CXXC4: variants seen among roughly 807,000 people sequenced by gnomAD.
The protein encoded by CXXC4 is CXXC finger protein 4, also known as CXXC-type zinc finger protein 4.
CXXC4 carries 5 observed loss-of-function variants against 20.5 expected under a neutral mutation model. The observed-to-expected ratio is 0.24, with a 90% CI of 0.13 to 0.51. The LOEUF is 0.51. Ranked by LOEUF, CXXC4 falls within the 20% of genes least tolerant of loss-of-function variation. The probability of loss-of-function intolerance (pLI) is 0.97; values close to 1 mark genes in which losing one functional copy is unlikely to be tolerated. For synonymous variants in CXXC4, 250 were observed against 216.4 expected, an observed-to-expected ratio of 1.16 and a Z score of -1.36; for missense variants, 419 against 496.4, an observed-to-expected ratio of 0.84 and a Z score of 1.48.
intron 2 of CXXC4, among the ~76,000 whole-genome samples, chr4:104,483,766 G>T (rs906315352): frequency 1.9e-4 from 29 of 151,768 alleles, no homozygotes; most frequent in Admixed American, 9.8e-4. Flanking sequence ...AAAGTATTGG[G>T]TTAGTAACGT....
chr4:104,494,858 G>A lies in CXXC4; in HGVS notation c.-415C>T, dbSNP rs904068817. 7 of 150,842 alleles carry A rather than the reference G, an allele frequency of 4.6e-5. No individual in the cohort carries two copies. Among genetic ancestry groups the A allele is most frequent in the Admixed American group, 3.3e-4 (5 of 15,156 alleles). The allele number at this position is 150,842 out of a possible 1,614,324, so 9.3% of individuals were successfully genotyped here. ...GTTGTCGGTGGTCTCTCCTCTCCCA[G>A]CGCGTTGCTCTCCGTCCGTCTCCAG... On this transcript the variant is annotated 5_prime_UTR_variant, in exon 1 of 3. Coordinates refer to ENST00000394767, the MANE Select transcript of CXXC4 (RefSeq NM_025212.4).
Position 104,490,976 on chromosome 4 carries a change from T to C in CXXC4, c.827A>G (p.Asn276Ser), listed in dbSNP as rs749523481. 28 of 1,613,716 alleles carry C rather than the reference T, an allele frequency of 1.7e-5. No individual in the cohort carries two copies. Among genetic ancestry groups the C allele is most frequent in the South Asian group, 8.8e-5 (8 of 91,070 alleles). Residue 276 changes from asparagine to serine, a missense_variant, in exon 2 of 3, where the codon AAT becomes AGT. By Grantham distance (46) the Asn-to-Ser change is conservative (BLOSUM62 1). This residue lies in a region of CXXC4 where 388 missense variants were observed against 416.0 expected (regional missense o/e 0.93). Coordinates refer to ENST00000394767, the MANE Select transcript of CXXC4 (RefSeq NM_025212.4). ...ATGATTCTGCGGGCAGTCTGCCAGATTGGCAATTTGAAACGCACTGTCTGT... is the reference window on the plus strand; with the variant it reads ...ATGATTCTGCGGGCAGTCTGCCAGACTGGCAATTTGAAACGCACTGTCTGT... ...AVTDSAFQIA[N>S]LADCPQNHSS...
chr4:104,493,048 AG>A (rs10633436), intron 1 of CXXC4, among the ~76,000 whole-genome samples: 2,628 of 132,534 alleles, frequency 0.02, 40 homozygotes, highest in South Asian at 0.039. Context: ...ATTGAGTAAA[AG>A]GGGGGGGGGC....
intron 2 of CXXC4, among the ~76,000 whole-genome samples, chr4:104,482,120 G>A (rs534981303): frequency 1.3e-5 from 2 of 152,240 alleles, no homozygotes; most frequent in Non-Finnish European, 2.9e-5. Context: ...ATTACTACAT[G>A]TGATAAACTC....
intron 2 of CXXC4, among the ~76,000 whole-genome samples, chr4:104,490,393 G>A (rs1317620873): frequency 6.6e-6 from 1 of 152,192 alleles, no homozygotes; most frequent in Non-Finnish European, 1.5e-5. Context: ...CCAGTCCTTT[G>A]GGCAAGATGC....
chr4:104,490,278 T>C (rs1736810027), intron 2 of CXXC4, among the ~76,000 whole-genome samples: 1 of 152,188 alleles, frequency 6.6e-6, no homozygotes, highest in Non-Finnish European at 1.5e-5. Flanking sequence ...TGTGGTTTGT[T>C]ACCGGTTTTT....
chr4:104,491,654 T>C lies in CXXC4; in HGVS notation c.149A>G (p.Tyr50Cys). ...TGGGAAGGCGCCCCCGTTGGTCTTG[T>C]AGAAGGAGGTGGCAAAGGAGCGGTA... ...ERYRSFATSF[Y>C]KTNGGAFPQA... The change falls in exon 2 of 3, where the codon TAC (tyrosine) becomes TGC (cysteine). Residue 50 changes from tyrosine to cysteine, a missense_variant. By Grantham distance (194) the Tyr-to-Cys change is radical (BLOSUM62 -2). Coordinates refer to ENST00000394767, the MANE Select transcript of CXXC4 (RefSeq NM_025212.4). 6.5e-7 allele frequency: 1 copy of C among 1,543,014 alleles called. No homozygotes were observed.
intron 2 of CXXC4, among the ~76,000 whole-genome samples, chr4:104,483,739 G>GA (rs1294792397): frequency 6.6e-6 from 1 of 150,990 alleles, no homozygotes; most frequent in African/African-American, 2.4e-5. Context: ...CTGTGTCTTG[G>GA]AAAAAAAAGT....
chr4:104,491,885 G>A lies in CXXC4; in HGVS notation c.-83C>T, dbSNP rs954522533. ...CTGGGTGGAAAAGGGGGAAAGGTGG[G>A]GGGGAGGGAAGGGAGTGATGGTGGT... On this transcript the variant is annotated 5_prime_UTR_variant, in exon 2 of 3. Transcript: ENST00000394767. The A allele has an allele frequency of 3.0e-6, 1 of 338,270 alleles. No homozygotes were observed. Among genetic ancestry groups the A allele is most frequent in the Non-Finnish European group, 4.2e-6 (1 of 238,126 alleles). 21.0% of individuals were successfully genotyped at this position (338,270 alleles called of 1,614,324 possible). A position where few individuals can be genotyped will look rare whatever the true frequency, so the allele number is the denominator to read the frequency against.
chr4:104,474,167 T>A (rs975324715), intron 2 of CXXC4, among the ~76,000 whole-genome samples: 9 of 151,930 alleles, frequency 5.9e-5, no homozygotes, highest in African/African-American at 2.2e-4. Context: ...GAGCAGCGCT[T>A]TCTAAAAGCA....
At position 104,471,683 on chromosome 4, in the gene CXXC4, G is replaced by T. The variant is rs1013535048; in HGVS notation, c.*639C>A. ...ATAAAACTGAAGGTAATTGGTGGAT[G>T]CATCATAATCTTTTAGTCTTGTAAA... is the stretch of plus-strand genomic sequence containing the variant. On this transcript the variant is annotated 3_prime_UTR_variant, in exon 3 of 3. Transcript: ENST00000394767. 1.3e-5 allele frequency: 2 copies of T among 152,064 alleles called. No homozygotes were observed. The highest frequency in any genetic ancestry group is 4.8e-5 in the African/African-American group (2 of 41,424). The allele number at this position is 152,064 out of a possible 1,614,324, so 9.4% of individuals were successfully genotyped here. A position where few individuals can be genotyped will look rare whatever the true frequency, so the allele number is the denominator to read the frequency against.
intron 2 of CXXC4, 127 bp from the exon 3 acceptor site, chr4:104,472,493 C>T: frequency 1.9e-6 from 1 of 530,622 alleles, no homozygotes; most frequent in South Asian, 3.7e-5. Flanking sequence ...TTGTATATTT[C>T]AACATTTAAT....
chr4:104,489,693 C>T (rs1736790076), intron 2 of CXXC4, among the ~76,000 whole-genome samples: 1 of 152,136 alleles, frequency 6.6e-6, no homozygotes, highest in Admixed American at 6.5e-5. Context: ...AGTCATTTAC[C>T]TGTGATTTTT....
Position 104,491,566 on chromosome 4 carries a change from CGCGGCGGCG to C in CXXC4, c.228_236del (p.Ala80_Ala82del), listed in dbSNP as rs765810663. Reference sequence around the variant, plus strand: ...GGGACATGCCGATGCGCGCGGCGGCCGCGGCGGCGGCGGCGCTGCTGGGGAAGATGGGGG... The same window carrying C: ...GGGACATGCCGATGCGCGCGGCGGCCGCGGCGCTGCTGGGGAAGATGGGGG... On this transcript the variant is annotated inframe_deletion, in exon 2 of 3. Coordinates refer to ENST00000394767, the MANE Select transcript of CXXC4 (RefSeq NM_025212.4). The C allele has an allele frequency of 3.2e-5, 48 of 1,508,934 alleles. No homozygotes were observed. The highest frequency in any genetic ancestry group is 4.3e-5 in the Non-Finnish European group (48 of 1,128,138). 93.5% of individuals were successfully genotyped at this position (1,508,934 alleles called of 1,614,324 possible).
At chr4:104,494,073 A>G (rs1466343895) in intron 1 of CXXC4, among the ~76,000 whole-genome samples, 2 of 152,194 alleles carry the variant, frequency 1.3e-5, no homozygotes, top group Non-Finnish European at 2.9e-5. Flanking sequence ...ATACCACCAG[A>G]AACTGTAGAA....
intron 1 of CXXC4, among the ~76,000 whole-genome samples, chr4:104,492,561 C>G (rs1051522440): frequency 2.6e-5 from 4 of 152,092 alleles, no homozygotes; most frequent in Non-Finnish European, 4.4e-5. Context: ...CTGAAAAAGT[C>G]TACAATACAT....
At chr4:104,483,451 A>G (rs959240439) in intron 2 of CXXC4, among the ~76,000 whole-genome samples, 2 of 151,898 alleles carry the variant, frequency 1.3e-5, no homozygotes, top group African/African-American at 4.8e-5. Flanking sequence ...AACACCAGCT[A>G]TTCCGATTAA....
intron 2 of CXXC4, among the ~76,000 whole-genome samples, chr4:104,487,824 A>G (rs1736735927): frequency 6.6e-6 from 1 of 152,190 alleles, no homozygotes; most frequent in Non-Finnish European, 1.5e-5. Flanking sequence ...GATTTTATAA[A>G]CACATTTCTA....
Position 104,491,872 on chromosome 4 carries a change from G to A in CXXC4, c.-70C>T, listed in dbSNP as rs1376105306. The A allele has an allele frequency of 2.4e-5, 17 of 719,372 alleles. No homozygotes were observed. The highest frequency in any genetic ancestry group is 2.4e-5 in the Non-Finnish European group (14 of 590,900). 44.6% of individuals were successfully genotyped at this position (719,372 alleles called of 1,614,324 possible). A position where few individuals can be genotyped will look rare whatever the true frequency, so the allele number is the denominator to read the frequency against. ...CCTGGTCCGACACCTGGGTGGAAAA[G>A]GGGGAAAGGTGGGGGGGAGGGAAGG... On this transcript the variant is annotated 5_prime_UTR_variant, in exon 2 of 3. Transcript: ENST00000394767.
Sources: allele counts gnomAD v4.1 joint callset (sites outside exome capture counted in the v4.1 genomes callset), GRCh38; gene constraint gnomAD v4.1.1; regional missense constraint gnomAD v4.1.1; transcripts MANE v1.5; gene names NCBI Gene and HGNC (gene_info 2026-07-23, HGNC 2026-07-21).